DPF3: variants seen among roughly 807,000 people sequenced by gnomAD.
DPF3 encodes the protein double PHD fingers 3.
DPF3 carries 18 observed loss-of-function variants against 56.8 expected under a neutral mutation model. The observed-to-expected ratio is 0.32, with a 90% CI of 0.22 to 0.47. DPF3 has a LOEUF of 0.47. Among genes scored for constraint, DPF3 ranks in the 20% least tolerant of loss-of-function variants. The probability of loss-of-function intolerance (pLI) is 1.00; values close to 1 mark genes in which losing one functional copy is unlikely to be tolerated. For synonymous variants in DPF3, 188 were observed against 180.2 expected (o/e 1.04, Z -0.35); for missense variants, 403 against 488.8 (o/e 0.82, Z 1.65).
chr14:72,831,175 G>A (rs1379190992), intron 1 of DPF3, among the ~76,000 whole-genome samples: 4 of 152,082 alleles, frequency 2.6e-5, no homozygotes, highest in Admixed American at 6.6e-5. Flanking sequence ...CAAGGCAAAC[G>A]GCAGATTAAA....
rs549733673 is a variant in DPF3, at chr14:72,778,185, G to C, written c.33-6292C>G. 2.6e-4 allele frequency among the ~76,000 whole-genome samples: 40 copies of C among 152,248 alleles called. No individual in the cohort carries two copies. In the East Asian group the frequency reaches 6.4e-3, roughly 24 times the overall value. Reference sequence around the variant, plus strand: ...TGTGACAGACAATTATTTAAGCCAGGGGTCCCAAACCCCTGGGCCACAGAG... The same window carrying C: ...TGTGACAGACAATTATTTAAGCCAGCGGTCCCAAACCCCTGGGCCACAGAG... On this transcript the variant is annotated intron_variant, in intron 1 of 10. Transcript: ENST00000556509.
intron 1 of DPF3, among the ~76,000 whole-genome samples, chr14:72,884,622 G>T (rs1229606780): frequency 6.6e-6 from 1 of 151,718 alleles, no homozygotes; most frequent in African/African-American, 2.4e-5. Context: ...GCTAACTCCT[G>T]CCCCCCAAGC....
chr14:72,689,141 C>T (rs73298181), intron 7 of DPF3, among the ~76,000 whole-genome samples: 2,875 of 152,294 alleles, frequency 0.019, 85 homozygotes, highest in African/African-American at 0.065. Flanking sequence ...CAGCAGTCCA[C>T]TCTGCCCTTT....
chr14:72,641,522 G>A (rs1885565357), intron 8 of DPF3, among the ~76,000 whole-genome samples: 1 of 152,184 alleles, frequency 6.6e-6, no homozygotes, highest in Non-Finnish European at 1.5e-5. Context: ...ACTGAGCCTT[G>A]CCCACAAGGC....
chr14:72,759,387 G>A (rs1181428693), intron 2 of DPF3, among the ~76,000 whole-genome samples: 2 of 152,182 alleles, frequency 1.3e-5, no homozygotes, highest in African/African-American at 2.4e-5. Context: ...AATGGCTGGA[G>A]GCTGGGTGCA....
chr14:72,746,079 G>A (rs1890311540), intron 3 of DPF3, among the ~76,000 whole-genome samples: 1 of 152,196 alleles, frequency 6.6e-6, no homozygotes, highest in Non-Finnish European at 1.5e-5. Flanking sequence ...GGCATCATAC[G>A]TTTTGTAAAC....
intron 2 of DPF3, among the ~76,000 whole-genome samples, chr14:72,771,100 C>T (rs890101499): frequency 3.3e-5 from 5 of 151,534 alleles, no homozygotes; most frequent in African/African-American, 1.2e-4. Context: ...CACTTGAACC[C>T]GGGAGGCGGT....
chr14:72,795,294 A>AT (rs1555507689), intron 1 of DPF3, among the ~76,000 whole-genome samples: 59 of 98,304 alleles, frequency 6.0e-4, no homozygotes, highest in African/African-American at 1.3e-3. Context: ...AAAAAAAAAA[A>AT]AATATATATA....
At chr14:72,715,818 CCCTCCCTCCCACCAG>C (rs1599380139) in intron 5 of DPF3, among the ~76,000 whole-genome samples, 1 of 151,624 alleles carries the variant, frequency 6.6e-6, no homozygotes, top group East Asian at 2.0e-4. Flanking sequence ...TCCACTTCCT[CCCTCCCTCCCACCAG>C]TCTCCCTCCC....
chr14:72,778,234 G>C (rs1428470002), intron 1 of DPF3, among the ~76,000 whole-genome samples: 1 of 152,186 alleles, frequency 6.6e-6, no homozygotes, highest in Non-Finnish European at 1.5e-5. Flanking sequence ...TGCCTGTTAG[G>C]AACTGGGTGG....
intron 1 of DPF3, among the ~76,000 whole-genome samples, chr14:72,861,784 A>AAAGAAAGG (rs1885440962): frequency 8.7e-4 from 129 of 148,462 alleles, no homozygotes; most frequent in African/African-American, 2.1e-3. Flanking sequence ...AGAAAGAAAG[A>AAAGAAAGG]AAGAAAGAAA....
chr14:72,662,305 T>A, intron 8 of DPF3: 1 of 984,984 alleles, frequency 1.0e-6, no homozygotes, highest in Middle Eastern at 5.2e-4. Flanking sequence ...TCTTTAGAGT[T>A]AATATGCAGT....
At chr14:72,623,892 A>G (rs1194491895) in intron 9 of DPF3, among the ~76,000 whole-genome samples, 7 of 152,210 alleles carry the variant, frequency 4.6e-5, no homozygotes, top group African/African-American at 1.7e-4. Context: ...CCAGGTCTGG[A>G]GCATAAAATG....
chr14:72,798,208 C>T lies in DPF3; in HGVS notation c.33-26315G>A, dbSNP rs187196305. ...GGTGGAGGTTGCAGTGAGCCAGGAT[C>T]GCACCACGGCACTCTAGCCAGGGAA... On this transcript the variant is annotated intron_variant, in intron 1 of 10. Coordinates refer to ENST00000556509, the MANE Select transcript of DPF3 (RefSeq NM_001280542.3). Among the ~76,000 whole-genome samples the T allele has an allele frequency of 1.9e-4, 26 of 134,610 alleles. No homozygotes were observed. The East Asian group carries it at 5.5e-3, about 29-fold the overall frequency. 88.3% of individuals were successfully genotyped at this position (134,610 alleles called of 152,430 possible).
At chr14:72,768,777 C>T (rs1194460409) in intron 2 of DPF3, among the ~76,000 whole-genome samples, 11 of 152,160 alleles carry the variant, frequency 7.2e-5, no homozygotes, top group Non-Finnish European at 2.9e-5. Flanking sequence ...GGAACTATCT[C>T]AGTGACCTTA....
At chr14:72,661,451 A>C in intron 8 of DPF3, 3 of 985,440 alleles carry the variant, frequency 3.0e-6, no homozygotes, top group Non-Finnish European at 3.6e-6. Flanking sequence ...TTCGTGTGTT[A>C]TTATGACTCT....
chr14:72,756,928 A>AAGAAAGAAGAGAAGAGAAGAGAAGAGAAG (rs1428028523), intron 2 of DPF3, among the ~76,000 whole-genome samples: 1 of 139,048 alleles, frequency 7.2e-6, no homozygotes, highest in African/African-American at 3.1e-5. Context: ...GAAAGAAAGA[A>AAGAAAGAAGAGAAGAGAAGAGAAGAGAAG]AGAAGAGAAG....
At chr14:72,862,251 C>T (rs1471867984) in intron 1 of DPF3, among the ~76,000 whole-genome samples, 1 of 152,108 alleles carries the variant, frequency 6.6e-6, no homozygotes, top group Non-Finnish European at 1.5e-5. Context: ...TGGCCATTTC[C>T]ACCTGGAAGT....
intron 7 of DPF3, among the ~76,000 whole-genome samples, chr14:72,692,010 A>G (rs1359124597): frequency 6.6e-6 from 1 of 152,182 alleles, no homozygotes; most frequent in Non-Finnish European, 1.5e-5. Flanking sequence ...GGTGGAGGTT[A>G]AGGGAGACCC....
Sources: gnomAD v4.1 joint callset for allele counts (sites outside exome capture counted in the v4.1 genomes callset) on GRCh38, gnomAD v4.1.1 for gene constraint, MANE v1.5 for transcripts, NCBI Gene and HGNC (gene_info 2026-07-23, HGNC 2026-07-21) for gene names.